Variants in SCFD2 observed in about 807,000 individuals in gnomAD.
The protein encoded by SCFD2 is sec1 family domain containing 2, also known as sec1 family domain-containing protein 2.
Under a neutral mutation model 58.9 loss-of-function variants are expected in SCFD2, and 54 were observed. The observed-to-expected ratio is 0.92, with a 90% CI of 0.74 to 1.15. The LOEUF is 1.15. Among genes scored for constraint, SCFD2 ranks in the 50% most tolerant of loss-of-function variants. SCFD2 has a pLI of 0.00. For missense variants in SCFD2, 805 were observed against 836.6 expected, an observed-to-expected ratio of 0.96 and a Z score of 0.47; for synonymous variants, 321 against 335.9, an observed-to-expected ratio of 0.96 and a Z score of 0.49.
chr4:53,091,072 C>T (rs570355351), intron 5 of SCFD2, among the ~76,000 whole-genome samples: 1 of 152,160 alleles, frequency 6.6e-6, no homozygotes, highest in East Asian at 1.9e-4. Flanking sequence ...TTTTGGATGG[C>T]AATTATGCAA....
At chr4:52,912,903 AC>A (rs1719518950) in intron 6 of SCFD2, among the ~76,000 whole-genome samples, 1 of 152,130 alleles carries the variant, frequency 6.6e-6, no homozygotes, top group Non-Finnish European at 1.5e-5. Context: ...CTGGTGCCCT[AC>A]TCAAAGATTC....
chr4:53,219,021 G>A lies in SCFD2; in HGVS notation c.1311+54805C>T, dbSNP rs113385614. On this transcript the variant is annotated intron_variant, in intron 4 of 8. Coordinates refer to ENST00000401642, the MANE Select transcript of SCFD2 (RefSeq NM_152540.4). ...GAAGCTTCAGCTCAGAGGGGTACCC[G>A]GCCGTGTGAGGTGTCAGTCTGCCCC... 8.8e-3 allele frequency among the ~76,000 whole-genome samples: 1,336 copies of A among 152,260 alleles called. 18 individuals are homozygous for A. The highest frequency in any genetic ancestry group is 0.03 in the African/African-American group (1,258 of 41,566).
intron 4 of SCFD2, among the ~76,000 whole-genome samples, chr4:53,236,830 T>G (rs1455652616): frequency 1.4e-5 from 2 of 140,134 alleles, no homozygotes; most frequent in Admixed American, 1.4e-4. Flanking sequence ...ATTTATTTAT[T>G]TATTTATTTA....
intron 5 of SCFD2, among the ~76,000 whole-genome samples, chr4:53,108,403 C>A (rs529082515): frequency 6.6e-6 from 1 of 151,848 alleles, no homozygotes; most frequent in South Asian, 2.1e-4. Flanking sequence ...ACACGAAAAA[C>A]CCTTAAAAAA....
chr4:52,956,395 A>G, intron 5 of SCFD2: 1 of 369,734 alleles, frequency 2.7e-6, no homozygotes, highest in South Asian at 2.0e-5. Context: ...AATTATCTTA[A>G]GGAAAAGAGG....
At chr4:52,897,340 T>C (rs1719049486) in intron 7 of SCFD2, among the ~76,000 whole-genome samples, 1 of 152,242 alleles carries the variant, frequency 6.6e-6, no homozygotes, top group South Asian at 2.1e-4. Flanking sequence ...CATCAATACC[T>C]AATTTATTGA....
chr4:53,004,118 T>C (rs979033625), intron 5 of SCFD2, among the ~76,000 whole-genome samples: 6 of 152,194 alleles, frequency 3.9e-5, no homozygotes, highest in African/African-American at 1.4e-4. Context: ...AAGCAGTACT[T>C]AGGTGTCCAT....
At chr4:53,314,819 T>C (rs1267380002) in intron 2 of SCFD2, among the ~76,000 whole-genome samples, 1 of 152,226 alleles carries the variant, frequency 6.6e-6, no homozygotes, top group Non-Finnish European at 1.5e-5. Context: ...TTTCATTGAA[T>C]AGTTTTTATT....
intron 5 of SCFD2, among the ~76,000 whole-genome samples, chr4:52,960,088 C>T (rs1434746278): frequency 6.6e-6 from 1 of 152,120 alleles, no homozygotes; most frequent in African/African-American, 2.4e-5. Flanking sequence ...CTAAAAATGT[C>T]CCTCTCACCC....
At chr4:53,184,636 T>C (rs1168148890) in intron 4 of SCFD2, among the ~76,000 whole-genome samples, 1 of 152,112 alleles carries the variant, frequency 6.6e-6, no homozygotes, top group Admixed American at 6.6e-5. Context: ...AACTAATATC[T>C]ACTCTGTTTG....
intron 4 of SCFD2, among the ~76,000 whole-genome samples, chr4:53,260,340 A>G (rs1730793090): frequency 6.6e-6 from 1 of 152,094 alleles, no homozygotes; most frequent in Non-Finnish European, 1.5e-5. Flanking sequence ...ACTTTTCCCC[A>G]TTCAGTATAA....
At chr4:53,226,220 C>T (rs1423090861) in intron 4 of SCFD2, among the ~76,000 whole-genome samples, 1 of 151,900 alleles carries the variant, frequency 6.6e-6, no homozygotes, top group African/African-American at 2.4e-5. Context: ...CTGCCTTTAA[C>T]AAATAAAAAA....
chr4:53,341,874 G>C (rs1017215147), intron 2 of SCFD2, among the ~76,000 whole-genome samples: 11 of 152,132 alleles, frequency 7.2e-5, no homozygotes, highest in Non-Finnish European at 1.3e-4. Flanking sequence ...AGAAGTGAAG[G>C]AGAAATAAAA....
intron 5 of SCFD2, among the ~76,000 whole-genome samples, chr4:53,087,348 CTTT>C (rs1224755808): frequency 1.3e-5 from 2 of 151,868 alleles, no homozygotes; most frequent in African/African-American, 4.8e-5. Context: ...GTTTCTTTTT[CTTT>C]TGAGATGAAG....
intron 3 of SCFD2, among the ~76,000 whole-genome samples, chr4:53,297,485 T>C (rs749901140): frequency 2.4e-4 from 37 of 151,982 alleles, no homozygotes; most frequent in Admixed American, 9.8e-4. Flanking sequence ...TTTGTTTGTT[T>C]GTTTTGCTTT....
chr4:53,356,959 C>T (rs1373163674), intron 1 of SCFD2, among the ~76,000 whole-genome samples: 1 of 151,904 alleles, frequency 6.6e-6, no homozygotes, highest in Non-Finnish European at 1.5e-5. Context: ...AACCACCACA[C>T]CTACCTTCAT....
chr4:53,347,204 C>G (rs1039815868), intron 2 of SCFD2, among the ~76,000 whole-genome samples: 1 of 152,200 alleles, frequency 6.6e-6, no homozygotes, highest in African/African-American at 2.4e-5. Flanking sequence ...AAGCCAATGA[C>G]AGTGTTCAAA....
intron 7 of SCFD2, among the ~76,000 whole-genome samples, chr4:52,892,577 G>A (rs1296105361): frequency 1.3e-5 from 2 of 152,038 alleles, no homozygotes; most frequent in African/African-American, 4.8e-5. Flanking sequence ...AATATATGAT[G>A]GCATTTCATT....
chr4:53,242,040 C>A (rs1038910520), intron 4 of SCFD2, among the ~76,000 whole-genome samples: 36 of 152,268 alleles, frequency 2.4e-4, no homozygotes, highest in Non-Finnish European at 1.6e-4. Context: ...CCCACACAAG[C>A]TGTGCTGCCA....
Sources: allele counts gnomAD v4.1 joint callset (sites outside exome capture counted in the v4.1 genomes callset), GRCh38; gene constraint gnomAD v4.1.1; transcripts MANE v1.5; gene names NCBI Gene and HGNC (gene_info 2026-07-23, HGNC 2026-07-21).